Variants in THRB observed in about 807,000 individuals in gnomAD.
THRB encodes the protein thyroid hormone receptor beta, also known as nuclear receptor subfamily 1 group A member 2.
A neutral mutation model predicts 47.8 loss-of-function variants in THRB; 12 were observed. The ratio of observed to expected loss-of-function variants is 0.25; its 90% CI spans 0.16 to 0.41. The LOEUF is 0.41. Among genes scored for constraint, THRB ranks in the 10% least tolerant of loss-of-function variants. THRB has a pLI of 1.00. For missense variants in THRB, 348 were observed against 589.2 expected, an observed-to-expected ratio of 0.59 and a Z score of 4.24; for synonymous variants, 218 against 212.2, an observed-to-expected ratio of 1.03 and a Z score of -0.24.
Position 24,301,523 on chromosome 3 carries a change from A to G in THRB, c.-188-4152T>C, listed in dbSNP as rs372230310. Among the ~76,000 whole-genome samples, 33 of 151,922 alleles carry G rather than the reference A, an allele frequency of 2.2e-4. No individual in the cohort carries two copies. The East Asian group carries it at 6.2e-3, about 28-fold the overall frequency. On this transcript the variant is annotated intron_variant, in intron 2 of 10. Coordinates refer to ENST00000646209, the MANE Select transcript of THRB (RefSeq NM_001354712.2). ...GCCTGTATTTTTTAGTTTGTTTATG[A>G]TATGTTTGGTCATGCAATTAAAAAA...
chr3:24,424,164 T>C (rs555178958), intron 1 of THRB, among the ~76,000 whole-genome samples: 1 of 151,972 alleles, frequency 6.6e-6, no homozygotes, highest in South Asian at 2.1e-4. Context: ...CTAGAAGCAT[T>C]TGGAATCCTT....
In THRB at chr3:24,175,433, T is replaced by C. The variant is rs139895068; in HGVS notation, c.283+14641A>G. Among the ~76,000 whole-genome samples, 578 of 152,310 alleles carry C rather than the reference T, an allele frequency of 3.8e-3. 7 individuals are homozygous for C. The highest frequency in any genetic ancestry group is 0.013 in the African/African-American group (545 of 41,560). On this transcript the variant is annotated intron_variant, in intron 5 of 10. Coordinates refer to ENST00000646209, the MANE Select transcript of THRB (RefSeq NM_001354712.2). Reference sequence around the variant, plus strand: ...ACCAAAGGCAAATCATAAAGTCTTCTTGTGCTTTGAGAGAATGAGATACTA... The same window carrying C: ...ACCAAAGGCAAATCATAAAGTCTTCCTGTGCTTTGAGAGAATGAGATACTA...
At chr3:24,244,301 T>C (rs772149439) in intron 3 of THRB, among the ~76,000 whole-genome samples, 1 of 152,172 alleles carries the variant, frequency 6.6e-6, no homozygotes, top group Non-Finnish European at 1.5e-5. Context: ...AACTGAAGCA[T>C]CATACAGGGT....
At chr3:24,362,426 G>A (rs897914686) in intron 1 of THRB, among the ~76,000 whole-genome samples, 7 of 152,080 alleles carry the variant, frequency 4.6e-5, no homozygotes, top group Admixed American at 2.6e-4. Context: ...CATCATTCCT[G>A]TCACCTTCTC....
Position 24,182,390 on chromosome 3 carries a change from C to T in THRB, c.283+7684G>A, listed in dbSNP as rs112743605. On this transcript the variant is annotated intron_variant, in intron 5 of 10. Transcript: ENST00000646209. ...CAATAATACCTTTCCAACTTCAGTG[C>T]TAGGTACATTAGCAATCCACTTGTA... is the stretch of plus-strand genomic sequence containing the variant. Among the ~76,000 whole-genome samples the T allele has an allele frequency of 2.3e-3, 345 of 152,210 alleles. 3 individuals are homozygous for T. Among genetic ancestry groups the T allele is most frequent in the African/African-American group, 7.7e-3 (319 of 41,530 alleles).
At chr3:24,264,016 A>C (rs2052373344) in intron 3 of THRB, among the ~76,000 whole-genome samples, 1 of 152,154 alleles carries the variant, frequency 6.6e-6, no homozygotes, top group African/African-American at 2.4e-5. Flanking sequence ...TACTGACATT[A>C]ATGTCTATTG....
intron 1 of THRB, among the ~76,000 whole-genome samples, chr3:24,406,899 A>G (rs919118309): frequency 7.9e-5 from 12 of 151,868 alleles, no homozygotes; most frequent in African/African-American, 2.9e-4. Flanking sequence ...ATAACAGGTG[A>G]ATATGTAAAA....
At chr3:24,451,299 T>A (rs1296676898) in intron 1 of THRB, among the ~76,000 whole-genome samples, 1 of 146,590 alleles carries the variant, frequency 6.8e-6, no homozygotes, top group Non-Finnish European at 1.5e-5. Context: ...AGTGGCGCGA[T>A]CTCAGCTCAC....
intron 3 of THRB, among the ~76,000 whole-genome samples, chr3:24,238,278 T>TG (rs67450132): frequency 1.4e-3 from 42 of 30,000 alleles, no homozygotes; most frequent in Non-Finnish European, 2.4e-3. Flanking sequence ...TGTGTGTGTG[T>TG]GGGGGGGGGG....
At position 24,477,280 on chromosome 3, in the gene THRB, C is replaced by G. The variant is rs144622214; in HGVS notation, c.-261+17372G>C. On this transcript the variant is annotated intron_variant, in intron 1 of 10. Transcript: ENST00000646209. ...GCAGGTAAGTCTGTAAAACAATAAA[C>G]TAAGTATAATGGGTTAGTCAATACA... is the stretch of plus-strand genomic sequence containing the variant. Among the ~76,000 whole-genome samples, 16 of 152,236 alleles carry G rather than the reference C, an allele frequency of 1.1e-4. No homozygotes were observed. The East Asian group carries it at 2.7e-3, about 26-fold the overall frequency.
chr3:24,130,852 G>A (rs949268639), intron 9 of THRB, among the ~76,000 whole-genome samples: 6 of 152,078 alleles, frequency 3.9e-5, no homozygotes, highest in Non-Finnish European at 7.4e-5. Flanking sequence ...TTTTATTAGT[G>A]AAAAATTGGA....
At chr3:24,404,100 A>T (rs1318726808) in intron 1 of THRB, among the ~76,000 whole-genome samples, 2 of 151,942 alleles carry the variant, frequency 1.3e-5, no homozygotes, top group Non-Finnish European at 2.9e-5. Context: ...CTTTACTCAG[A>T]TCTGTGGAGA....
In THRB at chr3:24,204,023, C is replaced by T. The variant is rs565447710; in HGVS notation, c.23-13689G>A. Among the ~76,000 whole-genome samples, 597 of 152,330 alleles carry T rather than the reference C, an allele frequency of 3.9e-3. 1 individual carries two copies. Among genetic ancestry groups the T allele is most frequent in the Non-Finnish European group, 5.8e-3 (397 of 68,024 alleles). On this transcript the variant is annotated intron_variant, in intron 4 of 10. Coordinates refer to ENST00000646209, the MANE Select transcript of THRB (RefSeq NM_001354712.2). Reference sequence around the variant, plus strand: ...AAGCAGCCGGGAAGCTCGAACTGGGCGGAGCCCACCACAAGCTCAAGGAGG... The same window carrying T: ...AAGCAGCCGGGAAGCTCGAACTGGGTGGAGCCCACCACAAGCTCAAGGAGG...
chr3:24,237,086 G>A (rs926599832), intron 3 of THRB, among the ~76,000 whole-genome samples: 4 of 152,158 alleles, frequency 2.6e-5, no homozygotes, highest in African/African-American at 9.7e-5. Context: ...AGCCTAAAGA[G>A]GAACATAAAA....
chr3:24,389,956 C>A (rs1054081952), intron 1 of THRB, among the ~76,000 whole-genome samples: 1 of 152,070 alleles, frequency 6.6e-6, no homozygotes, highest in Non-Finnish European at 1.5e-5. Flanking sequence ...TAAAAGGTAG[C>A]CAATGACAGT....
intron 1 of THRB, among the ~76,000 whole-genome samples, chr3:24,452,033 A>T (rs957331754): frequency 5.3e-5 from 8 of 152,268 alleles, no homozygotes; most frequent in Middle Eastern, 3.4e-3. Context: ...TTTAGAGATG[A>T]CTAGATTGCC....
At chr3:24,208,241 A>C (rs1407032522) in intron 4 of THRB, among the ~76,000 whole-genome samples, 1 of 152,186 alleles carries the variant, frequency 6.6e-6, no homozygotes, top group Non-Finnish European at 1.5e-5. Flanking sequence ...CATGGGTAGG[A>C]AGAATCAATA....
chr3:24,223,463 T>C (rs1450864231), intron 4 of THRB, among the ~76,000 whole-genome samples: 1 of 152,218 alleles, frequency 6.6e-6, no homozygotes, highest in Admixed American at 6.5e-5. Context: ...ACTCATTCTA[T>C]ATAAATTAAA....
At chr3:24,315,629 C>T (rs894478600) in intron 2 of THRB, among the ~76,000 whole-genome samples, 1 of 152,150 alleles carries the variant, frequency 6.6e-6, no homozygotes, top group Non-Finnish European at 1.5e-5. Context: ...GTAACCTAAA[C>T]CCCTAGTGAA....
Sources: gnomAD v4.1 joint callset for allele counts (sites outside exome capture counted in the v4.1 genomes callset) on GRCh38, gnomAD v4.1.1 for gene constraint, MANE v1.5 for transcripts, NCBI Gene and HGNC (gene_info 2026-07-23, HGNC 2026-07-21) for gene names.